Variants in PDE11A observed in about 807,000 individuals in gnomAD.
PDE11A encodes the protein dual 3',5'-cyclic-AMP and -GMP phosphodiesterase 11A.
In PDE11A, 100 loss-of-function variants were observed where a neutral mutation model predicts 100.5. The observed-to-expected ratio is 1.00, with a 90% confidence interval of 0.85 to 1.18. The LOEUF (loss-of-function observed/expected upper bound fraction) is 1.18, where lower values mean the gene tolerates loss of function less well. Among genes scored for constraint, PDE11A ranks in the 50% most tolerant of loss-of-function variants. The pLI, the probability that PDE11A is intolerant of heterozygous loss-of-function variation, is 0.00. For synonymous variants in PDE11A, 381 were observed against 420.8 expected (o/e 0.91, Z 1.16); for missense variants, 1,141 against 1,152.6 (o/e 0.99, Z 0.15).
intron 9 of PDE11A, among the ~76,000 whole-genome samples, chr2:177,774,106 T>C (rs1326255242): frequency 6.6e-6 from 1 of 152,190 alleles, no homozygotes; most frequent in Non-Finnish European, 1.5e-5. Context: ...TGTACCTCTT[T>C]CATGTATTGT....
At chr2:177,675,798 C>G (rs898197998) in intron 16 of PDE11A, 1 of 559,646 alleles carries the variant, frequency 1.8e-6, no homozygotes. Context: ...TTCTGTACAC[C>G]TGAGCTAAGC....
chr2:177,942,287 A>G (rs1184238059), intron 2 of PDE11A, among the ~76,000 whole-genome samples: 1 of 152,240 alleles, frequency 6.6e-6, no homozygotes. Flanking sequence ...CTGTTGTGAA[A>G]ATGAAATGAG....
At chr2:177,930,710 G>A (rs950407934) in intron 2 of PDE11A, among the ~76,000 whole-genome samples, 1 of 152,170 alleles carries the variant, frequency 6.6e-6, no homozygotes, top group African/African-American at 2.4e-5. Context: ...CACGGAAATG[G>A]CCAAACACAG....
intron 1 of PDE11A, chr2:178,018,068 G>A (rs2086360891): frequency 5.6e-6 from 1 of 179,692 alleles, no homozygotes; most frequent in Non-Finnish European, 1.2e-5. Context: ...AACCCCACTG[G>A]TCAGACCTGC....
At chr2:177,665,180 G>A (rs2105480569) in intron 18 of PDE11A, among the ~76,000 whole-genome samples, 1 of 152,056 alleles carries the variant, frequency 6.6e-6, no homozygotes, top group Admixed American at 6.6e-5. Context: ...GATCCAAAAT[G>A]TTTCTTTAGA....
upstream of PDE11A, among the ~76,000 whole-genome samples, chr2:178,076,225 T>C (rs1386543853): frequency 6.6e-6 from 1 of 152,226 alleles, no homozygotes; most frequent in Non-Finnish European, 1.5e-5. Flanking sequence ...TCTGTAAAGA[T>C]TGTCCAAGTA....
chr2:177,713,484 G>C (rs1042329678), intron 12 of PDE11A, among the ~76,000 whole-genome samples: 3 of 152,068 alleles, frequency 2.0e-5, no homozygotes, highest in Non-Finnish European at 4.4e-5. Context: ...CAGCACTTTG[G>C]GAGGCCGAGG....
chr2:177,905,055 A>C (rs1376858030), intron 3 of PDE11A, 43 bp downstream of exon 3: 1 of 1,019,160 alleles, frequency 9.8e-7, no homozygotes, highest in Non-Finnish European at 1.6e-6. Flanking sequence ...AGAAACCAGA[A>C]AGAGAGTTTT....
chr2:177,962,954 C>T (rs961656862), intron 2 of PDE11A, among the ~76,000 whole-genome samples: 4 of 151,984 alleles, frequency 2.6e-5, no homozygotes, highest in South Asian at 2.1e-4. Context: ...TGTTATTTCC[C>T]GAAGATCAAA....
At chr2:177,729,570 T>C (rs1427459443) in intron 10 of PDE11A, among the ~76,000 whole-genome samples, 2 of 152,192 alleles carry the variant, frequency 1.3e-5, no homozygotes, top group Admixed American at 6.5e-5. Flanking sequence ...AATGTTTTTG[T>C]ATTACTGTCA....
At chr2:177,757,661 C>T (rs543585944) in intron 10 of PDE11A, among the ~76,000 whole-genome samples, 1 of 152,296 alleles carries the variant, frequency 6.6e-6, no homozygotes, top group South Asian at 2.1e-4. Context: ...CCTTCTCAGA[C>T]TCTCACCTTT....
intron 5 of PDE11A, among the ~76,000 whole-genome samples, chr2:177,862,364 C>T (rs1392574909): frequency 6.6e-6 from 1 of 151,740 alleles, no homozygotes; most frequent in Non-Finnish European, 1.5e-5. Context: ...GATGCCTCTC[C>T]AAGGAACTGT....
chr2:177,834,029 T>C (rs2083351966), intron 6 of PDE11A, among the ~76,000 whole-genome samples: 1 of 152,216 alleles, frequency 6.6e-6, no homozygotes, highest in Non-Finnish European at 1.5e-5. Context: ...AGCTGGTGTG[T>C]AGTGGCCCTG....
chr2:177,786,278 G>A (rs1271413268), intron 9 of PDE11A, among the ~76,000 whole-genome samples: 1 of 152,188 alleles, frequency 6.6e-6, no homozygotes, highest in Admixed American at 6.5e-5. Flanking sequence ...AGGCAAACAG[G>A]GTCTGGAGTG....
intron 15 of PDE11A, among the ~76,000 whole-genome samples, chr2:177,692,634 A>C (rs1196629954): frequency 6.6e-6 from 1 of 152,228 alleles, no homozygotes. Context: ...GTTGCTCAGC[A>C]GTAACTGGAA....
intron 12 of PDE11A, among the ~76,000 whole-genome samples, chr2:177,712,339 C>CTT (rs1451238362): frequency 1.2e-4 from 13 of 107,012 alleles, no homozygotes; most frequent in Admixed American, 2.2e-4. Flanking sequence ...GAACACAACC[C>CTT]TTCTTTTTTT....
intron 9 of PDE11A, among the ~76,000 whole-genome samples, chr2:177,815,740 G>C (rs76030472): frequency 6.6e-6 from 1 of 152,180 alleles, no homozygotes; most frequent in Non-Finnish European, 1.5e-5. Context: ...TCTCAAATCA[G>C]AGCAGTGCAG....
At chr2:178,011,581 G>A (rs1346027338) in intron 2 of PDE11A, among the ~76,000 whole-genome samples, 1 of 152,156 alleles carries the variant, frequency 6.6e-6, no homozygotes, top group Non-Finnish European at 1.5e-5. Flanking sequence ...AACCTGGGAG[G>A]TCCACTTGAT....
intron 1 of PDE11A, among the ~76,000 whole-genome samples, chr2:178,024,758 T>G (rs2086458233): frequency 6.6e-6 from 1 of 152,194 alleles, no homozygotes; most frequent in Non-Finnish European, 1.5e-5. Context: ...GCTCAAAAAA[T>G]TGCTTTTATT....
Sources: allele counts gnomAD v4.1 joint callset (sites outside exome capture counted in the v4.1 genomes callset), GRCh38; gene constraint gnomAD v4.1.1; transcripts MANE v1.5; gene names NCBI Gene and HGNC (gene_info 2026-07-23, HGNC 2026-07-21).